The following SLC22A4 variants were observed in gnomAD, a reference collection of about 807,000 sequenced individuals.
The protein encoded by SLC22A4 is solute carrier family 22 member 4, also known as ET transporter.
Under a neutral mutation model 56.6 loss-of-function variants are expected in SLC22A4, and 39 were observed. That is an observed-to-expected ratio of 0.69 (90% CI 0.53 to 0.90). SLC22A4 has a LOEUF of 0.90. SLC22A4 is among the 40% of genes least tolerant of loss of function. The pLI is 0.00. For synonymous variants in SLC22A4, 241 were observed against 281.4 expected (o/e 0.86, Z 1.44); for missense variants, 594 against 696.5 (o/e 0.85, Z 1.66).
chr5:132,342,903 T>C (rs1197386439), intron 9 of SLC22A4, among the ~76,000 whole-genome samples: 1 of 152,088 alleles, frequency 6.6e-6, no homozygotes, highest in Non-Finnish European at 1.5e-5. Context: ...TTCATGGAGG[T>C]TTAGTCATGT....
At chr5:132,312,581 C>T (rs531436348) in intron 2 of SLC22A4, among the ~76,000 whole-genome samples, 32 of 152,316 alleles carry the variant, frequency 2.1e-4, no homozygotes, top group African/African-American at 7.0e-4. Context: ...GCTGCCATCA[C>T]CACTGCCCTC....
At chr5:132,332,921 A>C (rs1212364030) in intron 6 of SLC22A4, among the ~76,000 whole-genome samples, 1 of 152,128 alleles carries the variant, frequency 6.6e-6, no homozygotes, top group East Asian at 1.9e-4. Flanking sequence ...TAGTTCTTAC[A>C]TTTCAGCCTA....
intron 1 of SLC22A4, among the ~76,000 whole-genome samples, chr5:132,304,226 T>C (rs1027702021): frequency 1.3e-5 from 2 of 152,208 alleles, no homozygotes; most frequent in African/African-American, 4.8e-5. Flanking sequence ...TGTGGGACAA[T>C]ATATGCCCCC....
At chr5:132,320,408 G>T (rs1369109348) in intron 3 of SLC22A4, among the ~76,000 whole-genome samples, 5 of 152,198 alleles carry the variant, frequency 3.3e-5, no homozygotes, top group African/African-American at 1.2e-4. Context: ...CGGCCAAGGG[G>T]TTTAGAAACC....
At chr5:132,321,886 C>T (rs1466149268) in intron 3 of SLC22A4, among the ~76,000 whole-genome samples, 2 of 151,642 alleles carry the variant, frequency 1.3e-5, no homozygotes, top group African/African-American at 4.9e-5. Context: ...GCAGCCCGGG[C>T]AACAGAGGGA....
chr5:132,294,888 A>C lies in SLC22A4; in HGVS notation c.272A>C (p.Asn91Thr). 6.3e-7 allele frequency: 1 copy of C among 1,598,682 alleles called. No homozygotes were observed. Among genetic ancestry groups the C allele is most frequent in the African/African-American group, 1.3e-5 (1 of 74,758 alleles). ...CGCTACCGGCTCGCCACCATCGCCA[A>C]CTTCTCGGCGCTCGGGCTGGAGCCG... ...CSRYRLATIA[N>T]FSALGLEPGR... The change falls in exon 1 of 10, where the codon AAC becomes ACC. Residue 91 changes from asparagine to threonine, a missense_variant. Transcript: ENST00000200652. The surrounding 1 kb of genome is among the most constrained non-coding windows in gnomAD (Gnocchi z 5.6).
At chr5:132,329,730 T>C (rs272888) in intron 5 of SLC22A4, among the ~76,000 whole-genome samples, 107,344 of 152,118 alleles carry the variant, frequency 0.71, 38,434 homozygotes, top group African/African-American at 0.81. Context: ...TCAACCTGCT[T>C]CTGGTACCTG....
intron 8 of SLC22A4, 38 bp from the exon 9 acceptor site, chr5:132,340,527 C>A: frequency 6.2e-7 from 1 of 1,605,570 alleles, no homozygotes; most frequent in East Asian, 2.2e-5. Flanking sequence ...AGAGAGTCCT[C>A]CTATCTGATT....
intron 9 of SLC22A4, among the ~76,000 whole-genome samples, chr5:132,341,045 G>C (rs553392550): frequency 6.4e-4 from 97 of 150,836 alleles, no homozygotes; most frequent in African/African-American, 1.8e-3. Flanking sequence ...TGACCCAGGA[G>C]GCAGAGGTTG....
intron 6 of SLC22A4, among the ~76,000 whole-genome samples, chr5:132,332,763 C>T (rs1750903421): frequency 6.7e-6 from 1 of 148,212 alleles, no homozygotes; most frequent in African/African-American, 2.5e-5. Context: ...CACACACACA[C>T]ACACGATGAT....
intron 9 of SLC22A4, among the ~76,000 whole-genome samples, chr5:132,342,831 C>A (rs1171456928): frequency 6.6e-6 from 1 of 152,222 alleles, no homozygotes; most frequent in Non-Finnish European, 1.5e-5. Flanking sequence ...GTGCACTGCC[C>A]TCCTGGCATG....
chr5:132,313,063 T>C (rs1750227666), intron 2 of SLC22A4, among the ~76,000 whole-genome samples: 1 of 152,210 alleles, frequency 6.6e-6, no homozygotes, highest in Non-Finnish European at 1.5e-5. Context: ...AGAGCAGTGG[T>C]TTGCAATTTT....
chr5:132,335,676 T>G, intron 7 of SLC22A4, 142 bp from the exon 8 acceptor site: 1 of 744,092 alleles, frequency 1.3e-6, no homozygotes. Context: ...TATTAGGACA[T>G]TTGAAGAGAA....
Position 132,340,536 on chromosome 5 carries a change from T to C in SLC22A4, c.1445-29T>C, listed in dbSNP as rs755571084. 4.3e-6 allele frequency: 7 copies of C among 1,611,844 alleles called. No homozygotes were observed. The African/African-American group carries it at 5.3e-5, about 12-fold the overall frequency. On this transcript the variant is annotated intron_variant, in intron 8 of 9. Coordinates refer to ENST00000200652, the MANE Select transcript of SLC22A4 (RefSeq NM_003059.3). ...GTGCCCAGAGAGTCCTCCTATCTGA[T>C]TGATGTTCTTATGTCCCGGGCTTTA... is the stretch of plus-strand genomic sequence containing the variant.
At chr5:132,336,150 C>A in intron 8 of SLC22A4, 150 bp downstream of exon 8, 1 of 771,636 alleles carries the variant, frequency 1.3e-6, no homozygotes, top group Non-Finnish European at 2.2e-6. Flanking sequence ...TCTAGAAAGC[C>A]AATCACAAAC....
At chr5:132,317,331 G>A (rs1267889398) in intron 3 of SLC22A4, among the ~76,000 whole-genome samples, 5 of 152,128 alleles carry the variant, frequency 3.3e-5, no homozygotes, top group African/African-American at 9.7e-5. Context: ...AACCCTATAC[G>A]AATTAGCAGT....
chr5:132,317,112 G>T (rs1460954731), intron 3 of SLC22A4, among the ~76,000 whole-genome samples: 1 of 152,170 alleles, frequency 6.6e-6, no homozygotes, highest in East Asian at 1.9e-4. Flanking sequence ...TCACTCTCTG[G>T]TGTCTCTTCT....
chr5:132,318,270 G>A (rs796369232), intron 3 of SLC22A4, among the ~76,000 whole-genome samples: 6 of 152,190 alleles, frequency 3.9e-5, no homozygotes, highest in African/African-American at 1.4e-4. Flanking sequence ...GCTTGATCAG[G>A]ATAAAGAATA....
intron 5 of SLC22A4, among the ~76,000 whole-genome samples, chr5:132,329,502 A>AGGCACAGC (rs1308665618): frequency 6.6e-6 from 1 of 151,824 alleles, no homozygotes; most frequent in African/African-American, 2.4e-5. Context: ...AAAGAAACTA[A>AGGCACAGC]GGCACAGCGA....
Sources: allele counts gnomAD v4.1 joint callset (sites outside exome capture counted in the v4.1 genomes callset), GRCh38; gene constraint gnomAD v4.1.1; non-coding constraint Gnocchi (gnomAD v3.1); transcripts MANE v1.5; gene names NCBI Gene and HGNC (gene_info 2026-07-23, HGNC 2026-07-21).